Variants in BCAR3 observed in about 807,000 individuals in gnomAD.
BCAR3 encodes the protein breast cancer anti-estrogen resistance protein 3.
In BCAR3, 37 loss-of-function variants were observed where a neutral mutation model predicts 80.1. The observed-to-expected ratio is 0.46, with a 90% confidence interval of 0.36 to 0.61. BCAR3 has a LOEUF of 0.61. Among genes scored for constraint, BCAR3 ranks in the 20% least tolerant of loss-of-function variants. The pLI is 0.00. For synonymous variants in BCAR3, 389 were observed against 418.9 expected (o/e 0.93, Z 0.87); for missense variants, 978 against 1,068.2 (o/e 0.92, Z 1.18).
chr1:93,755,466 A>G (rs535801642), intron 2 of BCAR3, among the ~76,000 whole-genome samples: 4 of 152,312 alleles, frequency 2.6e-5, no homozygotes, highest in African/African-American at 9.6e-5. Flanking sequence ...TTGTAGCTCT[A>G]CTGTATCTTT....
chr1:93,814,957 C>T (rs1653965459), intron 2 of BCAR3, among the ~76,000 whole-genome samples: 1 of 152,216 alleles, frequency 6.6e-6, no homozygotes, highest in Non-Finnish European at 1.5e-5. Context: ...CTTAGGTGCA[C>T]CCCCACACAT....
chr1:93,708,719 C>T (rs560815808), intron 2 of BCAR3, among the ~76,000 whole-genome samples: 2 of 152,320 alleles, frequency 1.3e-5, no homozygotes, highest in Admixed American at 1.3e-4. Flanking sequence ...TTCACCACCA[C>T]ATCATATCTA....
chr1:93,821,406 C>T (rs1654218013), intron 2 of BCAR3, among the ~76,000 whole-genome samples: 1 of 152,182 alleles, frequency 6.6e-6, no homozygotes, highest in Non-Finnish European at 1.5e-5. Context: ...TTAGAGATAG[C>T]CCTTGGATGC....
intron 2 of BCAR3, among the ~76,000 whole-genome samples, chr1:93,749,149 T>G (rs1651457126): frequency 6.6e-6 from 1 of 150,420 alleles, no homozygotes; most frequent in Non-Finnish European, 1.5e-5. Context: ...CAAATAATGG[T>G]GTGTGTGTGT....
At chr1:93,690,855 C>G (rs1000044965) in intron 3 of BCAR3, among the ~76,000 whole-genome samples, 6 of 152,110 alleles carry the variant, frequency 3.9e-5, no homozygotes, top group Admixed American at 2.0e-4. Context: ...GTTTTCTAGG[C>G]CATTTTCTTG....
intron 9 of BCAR3, among the ~76,000 whole-genome samples, chr1:93,568,627 T>C (rs947083266): frequency 1.3e-5 from 2 of 152,328 alleles, no homozygotes; most frequent in African/African-American, 2.4e-5. Flanking sequence ...GGAATTGACC[T>C]CCCCAAAATT....
chr1:93,734,453 T>C (rs1650905135), intron 2 of BCAR3, among the ~76,000 whole-genome samples: 1 of 152,092 alleles, frequency 6.6e-6, no homozygotes, highest in African/African-American at 2.4e-5. Flanking sequence ...GCTCCTGCAG[T>C]CACTGAGGCC....
intron 3 of BCAR3, among the ~76,000 whole-genome samples, chr1:93,637,176 T>A (rs77292746): frequency 0.036 from 5,251 of 145,140 alleles, 111 homozygotes; most frequent in African/African-American, 0.063. Context: ...AAATGTAAAA[T>A]TTTTTTTTTT....
intron 2 of BCAR3, among the ~76,000 whole-genome samples, chr1:93,822,651 G>T (rs1480270159): frequency 3.3e-5 from 5 of 152,126 alleles, no homozygotes; most frequent in Non-Finnish European, 7.4e-5. Context: ...CAATACTTTG[G>T]ATATGGCTGG....
Position 93,589,008 on chromosome 1 carries a change from C to G in BCAR3, c.898G>C (p.Glu300Gln). 6.3e-7 allele frequency: 1 copy of G among 1,590,910 alleles called. No individual in the cohort carries two copies. Among genetic ancestry groups the G allele is most frequent in the Non-Finnish European group, 8.6e-7 (1 of 1,164,518 alleles). The change falls in exon 5 of 12, where the codon GAG becomes CAG. Residue 300 changes from glutamate (E) to glutamine (Q), a missense_variant. Coordinates refer to ENST00000260502, the MANE Select transcript of BCAR3 (RefSeq NM_003567.4). ...AGGTTTCCCCTGGGCAAATTCTGCTCTCGGGCCTGGACGCCACCCATGGTG... is the reference window on the plus strand; with the variant it reads ...AGGTTTCCCCTGGGCAAATTCTGCTGTCGGGCCTGGACGCCACCCATGGTG... ...SLTMGGVQAR[E>Q]QNLPRGNLLR...
chr1:93,727,844 A>T (rs1036034554), intron 2 of BCAR3, among the ~76,000 whole-genome samples: 5 of 152,208 alleles, frequency 3.3e-5, no homozygotes, highest in Non-Finnish European at 7.3e-5. Context: ...ATTTGGAAAA[A>T]CTATCTTTGC....
chr1:93,837,613 TGA>T (rs1469156525), intron 2 of BCAR3, among the ~76,000 whole-genome samples: 1 of 152,260 alleles, frequency 6.6e-6, no homozygotes, highest in Non-Finnish European at 1.5e-5. Flanking sequence ...GTTGCAGCTC[TGA>T]GACTGCTGGG....
chr1:93,821,680 A>C (rs1654226482), intron 2 of BCAR3, among the ~76,000 whole-genome samples: 1 of 152,196 alleles, frequency 6.6e-6, no homozygotes, highest in African/African-American at 2.4e-5. Flanking sequence ...CCAAATAAAA[A>C]GAATTAGCAT....
intron 8 of BCAR3, among the ~76,000 whole-genome samples, chr1:93,573,999 G>C (rs966051540): frequency 6.6e-6 from 1 of 152,214 alleles, no homozygotes; most frequent in African/African-American, 2.4e-5. Flanking sequence ...GAACATTTTA[G>C]ATGTTGCTTT....
chr1:93,667,298 C>G (rs376508745), intron 2 of BCAR3, among the ~76,000 whole-genome samples: 1 of 152,180 alleles, frequency 6.6e-6, no homozygotes, highest in Non-Finnish European at 1.5e-5. Context: ...ACCTGCTCAA[C>G]GCAGATTCCC....
intron 2 of BCAR3, among the ~76,000 whole-genome samples, chr1:93,766,618 C>T (rs756340541): frequency 6.6e-6 from 1 of 152,268 alleles, no homozygotes; most frequent in Non-Finnish European, 1.5e-5. Flanking sequence ...CACGGCTGCC[C>T]GTCCACATTC....
chr1:93,630,816 G>A (rs1489080658), intron 3 of BCAR3, among the ~76,000 whole-genome samples: 1 of 152,160 alleles, frequency 6.6e-6, no homozygotes, highest in Non-Finnish European at 1.5e-5. Context: ...GTGGGGCACT[G>A]TGCTAAGAAC....
chr1:93,750,107 T>C lies in BCAR3; in HGVS notation c.-62-43965A>G, dbSNP rs182406265. ...TTAGCTGCCTTCAAGAATCCAGGTG[T>C]GAGCTAAGTGGAAGCAATTCAGTTT... is the stretch of plus-strand genomic sequence containing the variant. On this transcript the variant is annotated intron_variant, in intron 2 of 13. Transcript: ENST00000370244. 2.0e-3 allele frequency among the ~76,000 whole-genome samples: 301 copies of C among 152,304 alleles called. 1 individual carries two copies. Among genetic ancestry groups the C allele is most frequent in the Non-Finnish European group, 3.1e-3 (210 of 68,024 alleles).
rs1216306554 is a variant in BCAR3, at chr1:93,779,940, C to T, written c.-63+65627G>A. Among the ~76,000 whole-genome samples, 3 of 152,136 alleles carry T rather than the reference C, an allele frequency of 2.0e-5. No homozygotes were observed. In the South Asian group the frequency reaches 6.2e-4, roughly 32 times the overall value. On this transcript the variant is annotated intron_variant, in intron 2 of 13. Coordinates refer to the BCAR3 transcript ENST00000370244. ...CCTAGGTGACTCCGGTTCCTGTTGC[C>T]CTTGGCCTCCACCCAAAAGGTAAAC...
Sources: allele counts gnomAD v4.1 joint callset (sites outside exome capture counted in the v4.1 genomes callset), GRCh38; gene constraint gnomAD v4.1.1; transcripts MANE v1.5; gene names NCBI Gene and HGNC (gene_info 2026-07-23, HGNC 2026-07-21).